Variants in TTC9B observed in about 807,000 individuals in gnomAD.
TTC9B encodes tetratricopeptide repeat protein 9B.
A neutral mutation model predicts 19.4 loss-of-function variants in TTC9B; 12 were observed. That is an observed-to-expected ratio of 0.62 (90% CI 0.40 to 1.00). The LOEUF (loss-of-function observed/expected upper bound fraction) is 1.00. Ranked by LOEUF, TTC9B falls within the 50% of genes least tolerant of loss-of-function variation. TTC9B has a pLI of 0.00. For missense variants in TTC9B, 316 were observed against 345.2 expected (o/e 0.92, Z 0.67); for synonymous variants, 156 against 158.6 (o/e 0.98, Z 0.12).
intron 1 of TTC9B, 141 bp downstream of exon 1, chr19:40,217,814 C>T (rs199842080): frequency 0.019 from 14,294 of 753,372 alleles, 164 homozygotes; most frequent in Non-Finnish European, 0.023. Context: ...TAATCCCTTT[C>T]CTTGATCAAG....
At chr19:40,217,163 C>T in intron 2 of TTC9B, 24 bp downstream of exon 2, 2 of 1,599,518 alleles carry the variant, frequency 1.3e-6, no homozygotes, top group Non-Finnish European at 1.7e-6. Context: ...CCAGCCCTCA[C>T]CTCTGCCCCG....
chr19:40,217,103 T>G, intron 2 of TTC9B, 84 bp downstream of exon 2: 1 of 1,460,944 alleles, frequency 6.8e-7, no homozygotes, highest in Non-Finnish European at 9.2e-7. Context: ...TATTCTGCCC[T>G]GATCTTCCTG....
chr19:40,217,129 G>T, intron 2 of TTC9B, 58 bp downstream of exon 2: 1 of 1,542,802 alleles, frequency 6.5e-7, no homozygotes, highest in Non-Finnish European at 8.8e-7. Context: ...TCCCTCCGCT[G>T]CAGCCCCTTT....
Position 40,217,939 on chromosome 19 carries a change from C to A in TTC9B, c.427+16G>T, listed in dbSNP as rs768325740. ...CCTCCCCTCGTGCCCCATCCCCCCA[C>A]CCCCCGACGGCGTACCCGTGAGGGA... On this transcript the variant is annotated intron_variant, in intron 1 of 2. Coordinates refer to ENST00000311308, the MANE Select transcript of TTC9B (RefSeq NM_152479.6). The A allele has an allele frequency of 2.6e-5, 37 of 1,427,698 alleles. 1 individual carries two copies. The South Asian group carries it at 4.2e-4, about 16-fold the overall frequency. The allele number at this position is 1,427,698 out of a possible 1,614,324, so 88.4% of individuals were successfully genotyped here.
rs748028557 is a variant in TTC9B, at chr19:40,216,146, G to A, written c.*17C>T. 2.5e-6 allele frequency: 4 copies of A among 1,604,822 alleles called. No individual in the cohort carries two copies. The highest frequency in any genetic ancestry group is 2.2e-5 in the South Asian group (2 of 90,920). On this transcript the variant is annotated 3_prime_UTR_variant, in exon 3 of 3. Coordinates refer to ENST00000311308, the MANE Select transcript of TTC9B (RefSeq NM_152479.6). ...AGGTGGGAGGGCGAGGGATAGAGAGGTCCCCCTGGATTGGCCTCAGCCAAT... is the reference window on the plus strand; with the variant it reads ...AGGTGGGAGGGCGAGGGATAGAGAGATCCCCCTGGATTGGCCTCAGCCAAT...
intron 2 of TTC9B, 57 bp downstream of exon 2, chr19:40,217,130 C>A: frequency 6.5e-7 from 1 of 1,545,618 alleles, no homozygotes; most frequent in East Asian, 2.3e-5. Context: ...CCCTCCGCTG[C>A]AGCCCCTTTC....
At position 40,218,304 on chromosome 19, in the gene TTC9B, G is replaced by C; in HGVS notation, c.78C>G (p.Leu26=). 1 of 1,381,940 alleles carries C rather than the reference G, an allele frequency of 7.2e-7. No individual in the cohort carries two copies. 85.6% of individuals were successfully genotyped at this position (1,381,940 alleles called of 1,614,324 possible). ...PEPPPRPPPA[L]SPPGSGPGSG... The stretch of plus-strand genomic sequence containing the variant: ...AGCCTGGGCCCGAGCCCGGTGGGGA[G>C]AGGGCGGGAGGCGGGCGCGGCGGAG... Residue 26 remains leucine (L), a synonymous_variant, in exon 1 of 3, where the codon CTC becomes CTG. Coordinates refer to ENST00000311308, the MANE Select transcript of TTC9B (RefSeq NM_152479.6). The surrounding 1 kb of genome is among the most constrained non-coding windows in gnomAD (Gnocchi z 4.2).
chr19:40,217,644 G>A, intron 1 of TTC9B: 1 of 526,596 alleles, frequency 1.9e-6, no homozygotes, highest in Non-Finnish European at 3.3e-6. Context: ...CCGGGACCTC[G>A]AGAGCCTGGC....
chr19:40,216,869 CAGTG>C (rs1472940475), intron 2 of TTC9B: 10 of 493,320 alleles, frequency 2.0e-5, no homozygotes, highest in African/African-American at 1.5e-4. Flanking sequence ...ATGGAGATGA[CAGTG>C]GGTGGATAGG....
At chr19:40,217,504 C>T (rs1050267257) in intron 1 of TTC9B, 135 bp from the exon 2 acceptor site, 2 of 1,155,544 alleles carry the variant, frequency 1.7e-6, no homozygotes, top group Non-Finnish European at 1.2e-6. Context: ...GGCGCCAATC[C>T]GCTCGCCTAT....
At position 40,217,997 on chromosome 19, in the gene TTC9B, G is replaced by A; in HGVS notation, c.385C>T (p.Leu129=). The A allele has an allele frequency of 7.0e-7, 1 of 1,432,160 alleles. No homozygotes were observed. The highest frequency in any genetic ancestry group is 9.1e-7 in the Non-Finnish European group (1 of 1,094,518). 88.7% of individuals were successfully genotyped at this position (1,432,160 alleles called of 1,614,324 possible). A position where few individuals can be genotyped will look rare whatever the true frequency, so the allele number is the denominator to read the frequency against. The change falls in exon 1 of 3, where the codon CTG becomes TTG. Residue 129 remains leucine, a synonymous_variant. Coordinates refer to ENST00000311308, the MANE Select transcript of TTC9B (RefSeq NM_152479.6). ...PARLSEEQRR[L]VESTEVECYD... The stretch of plus-strand genomic sequence containing the variant: ...CACTCCACCTCCGTGCTCTCCACCA[G>A]GCGCCGCTGCTCCTCGCTGAGGCGC...
In TTC9B at chr19:40,216,059, TATG is replaced by T; in HGVS notation, c.*101_*103del. The T allele has an allele frequency of 1.0e-6, 1 of 972,868 alleles. No homozygotes were observed. The highest frequency in any genetic ancestry group is 1.6e-6 in the Non-Finnish European group (1 of 613,628). 60.3% of individuals were successfully genotyped at this position (972,868 alleles called of 1,614,324 possible). ...GTCCCCCCAAGAACACCACACAAGTTATGATCACCAGTGACAAGTGTTTTACCA... is the reference window on the plus strand; with the variant it reads ...GTCCCCCCAAGAACACCACACAAGTTATCACCAGTGACAAGTGTTTTACCA... On this transcript the variant is annotated 3_prime_UTR_variant, in exon 3 of 3. Transcript: ENST00000311308.
Position 40,218,153 on chromosome 19 carries a change from G to A in TTC9B, c.229C>T (p.Arg77Ter). The change falls in exon 1 of 3, where the codon CGA becomes TGA. Residue 77 changes from arginine to a stop codon, truncating the protein, a stop_gained. Transcript: ENST00000311308. LOFTEE classifies it high-confidence loss of function. The surrounding 1 kb of genome is among the most constrained non-coding windows in gnomAD (Gnocchi z 4.2). ...ATGGCCTCCCGGAACTTCTTCTCTC[G>A]ATAGCAGCGCTGGCCCTCTGCCTTG... ...AFKAEGQRCY[R>*]EKKFREAIGK... 1 of 1,574,614 alleles carries A rather than the reference G, an allele frequency of 6.4e-7. No individual in the cohort carries two copies. Among genetic ancestry groups the A allele is most frequent in the Non-Finnish European group, 8.6e-7 (1 of 1,164,854 alleles).
rs766105162 is a variant in TTC9B, at chr19:40,217,177, C to G, written c.610+10G>C. The G allele has an allele frequency of 1.9e-6, 3 of 1,607,698 alleles. No homozygotes were observed. The highest frequency in any genetic ancestry group is 2.2e-5 in the South Asian group (2 of 90,324). ...CCCAGCCCTCACCTCTGCCCCGCCCCGCCACTCACCTGTGGGTTCCCGGCT... is the reference window on the plus strand; with the variant it reads ...CCCAGCCCTCACCTCTGCCCCGCCCGGCCACTCACCTGTGGGTTCCCGGCT... On this transcript the variant is annotated intron_variant, in intron 2 of 2. Transcript: ENST00000311308.
rs758422681 is a variant in TTC9B at position 40,217,243 on chromosome 19, C to T, written c.554G>A (p.Gly185Asp). The change falls in exon 2 of 3, where the codon GGC (glycine) becomes GAC (aspartate). Residue 185 changes from glycine (G) to aspartate (D), a missense_variant. Gly to Asp is a moderately conservative substitution (Grantham distance 94, BLOSUM62 -1). Transcript: ENST00000311308. ...GTAGCGCAGCGCGCGTGCGTAGTCG[C>T]CCAGGTGGTAGAAGGCAATGCCGGC... ...YRAGIAFYHL[G>D]DYARALRYLQ... is the part of the protein sequence containing the mutation. 6.2e-7 allele frequency: 1 copy of T among 1,613,972 alleles called. No homozygotes were observed. Among genetic ancestry groups the T allele is most frequent in the Non-Finnish European group, 8.5e-7 (1 of 1,179,938 alleles).
Position 40,218,153 on chromosome 19 carries a change from G to C in TTC9B, c.229C>G (p.Arg77Gly). The C allele has an allele frequency of 3.2e-6, 5 of 1,574,614 alleles. No homozygotes were observed. The highest frequency in any genetic ancestry group is 4.3e-6 in the Non-Finnish European group (5 of 1,164,854). The change falls in exon 1 of 3, where the codon CGA becomes GGA. Residue 77 changes from arginine to glycine, a missense_variant. By Grantham distance (125) the Arg-to-Gly change is moderately radical. Transcript: ENST00000311308. This position sits in a 1 kb window ranked among gnomAD's most constrained non-coding sequence, Gnocchi z 4.2. ...ATGGCCTCCCGGAACTTCTTCTCTC[G>C]ATAGCAGCGCTGGCCCTCTGCCTTG... Reference protein sequence around the residue: ...AFKAEGQRCYREKKFREAIGK... With the variant: ...AFKAEGQRCYGEKKFREAIGK...
chr19:40,217,403 C>G (rs781306885), intron 1 of TTC9B, 34 bp from the exon 2 acceptor site: 2 of 1,600,388 alleles, frequency 1.2e-6, no homozygotes, highest in South Asian at 2.2e-5. Flanking sequence ...CTCTCAGAGC[C>G]TGCTGGCACC....
intron 1 of TTC9B, 163 bp from the exon 2 acceptor site, chr19:40,217,532 C>A: frequency 2.2e-6 from 2 of 904,332 alleles, no homozygotes; most frequent in Middle Eastern, 3.5e-4. Flanking sequence ...GGCGCAACTG[C>A]GCCGCTGCTA....
In TTC9B at chr19:40,218,173, G is replaced by A. The variant is rs752842373; in HGVS notation, c.209C>T (p.Ala70Val). ...CTCTCGATAGCAGCGCTGGCCCTCT[G>A]CCTTGAACGCCACGGCGGCACGCAG... ...SSLRAAVAFK[A>V]EGQRCYREKK... The change falls in exon 1 of 3, where the codon GCA becomes GTA. Residue 70 changes from alanine (A) to valine (V), a missense_variant. Ala to Val is a moderately conservative substitution (Grantham distance 64). Coordinates refer to ENST00000311308, the MANE Select transcript of TTC9B (RefSeq NM_152479.6). This position sits in a 1 kb window ranked among gnomAD's most constrained non-coding sequence, Gnocchi z 4.2. 3 of 1,577,016 alleles carry A rather than the reference G, an allele frequency of 1.9e-6. No homozygotes were observed. The highest frequency in any genetic ancestry group is 2.5e-5 in the East Asian group (1 of 39,458).
Sources: gnomAD v4.1 joint callset for allele counts on GRCh38, gnomAD v4.1.1 for gene constraint, Gnocchi (gnomAD v3.1) non-coding constraint, MANE v1.5 for transcripts, NCBI Gene and HGNC (gene_info 2026-07-23, HGNC 2026-07-21) for gene names.